SORCS3: variants seen among roughly 807,000 people sequenced by gnomAD.
The protein encoded by SORCS3 is VPS10 domain-containing receptor SorCS3.
In SORCS3, 57 loss-of-function variants were observed where a neutral mutation model predicts 146.3. That is an observed-to-expected ratio of 0.39 (90% CI 0.31 to 0.49). SORCS3 has a LOEUF of 0.49. Among genes scored for constraint, SORCS3 ranks in the 20% least tolerant of loss-of-function variants. The probability of loss-of-function intolerance (pLI) is 0.92; values close to 1 mark genes in which losing one functional copy is unlikely to be tolerated. For missense variants in SORCS3, 1,341 were observed against 1,575.5 expected, an observed-to-expected ratio of 0.85 and a Z score of 2.52; for synonymous variants, 653 against 618.5, an observed-to-expected ratio of 1.06 and a Z score of -0.83.
Position 104,780,176 on chromosome 10 carries a change from C to G in SORCS3, c.628-62616C>G, listed in dbSNP as rs150347691. ...AAGCCACAACGGAGCAATTTGATGG[C>G]AGAGTATTTTTGGCTTCAAGACACT... On this transcript the variant is annotated intron_variant, in intron 1 of 26. Coordinates refer to ENST00000369701, the MANE Select transcript of SORCS3 (RefSeq NM_014978.3). Among the ~76,000 whole-genome samples the G allele has an allele frequency of 4.9e-3, 731 of 150,554 alleles. 6 individuals are homozygous for G. The highest frequency in any genetic ancestry group is 0.017 in the African/African-American group (695 of 40,846).
rs546347300 is a variant in SORCS3, at chr10:104,743,698, T to G, written c.628-99094T>G. Among the ~76,000 whole-genome samples the G allele has an allele frequency of 2.6e-5, 4 of 152,216 alleles. No homozygotes were observed. The East Asian group carries it at 7.7e-4, about 29-fold the overall frequency. On this transcript the variant is annotated intron_variant, in intron 1 of 26. Coordinates refer to ENST00000369701, the MANE Select transcript of SORCS3 (RefSeq NM_014978.3). ...CTCTCAGGACAGCCTGTGGACTGAG[T>G]TCTTGTCTCCATATTCTCCCCTAAG...
chr10:105,104,957 C>A (rs146951687), intron 6 of SORCS3, among the ~76,000 whole-genome samples: 1 of 152,234 alleles, frequency 6.6e-6, no homozygotes, highest in African/African-American at 2.4e-5. Context: ...TTTTTTACTA[C>A]TATGAACAAT....
chr10:105,117,264 C>A (rs1403627165), intron 7 of SORCS3, among the ~76,000 whole-genome samples: 1 of 152,120 alleles, frequency 6.6e-6, no homozygotes, highest in Non-Finnish European at 1.5e-5. Flanking sequence ...CATTCCTCAA[C>A]AAACAAAAAC....
intron 13 of SORCS3, among the ~76,000 whole-genome samples, chr10:105,170,781 C>G (rs1323704945): frequency 6.6e-6 from 1 of 152,162 alleles, no homozygotes; most frequent in African/African-American, 2.4e-5. Context: ...CTTTCAAAGG[C>G]TAAGTGAGTG....
At chr10:104,717,497 G>T (rs1455022590) in intron 1 of SORCS3, among the ~76,000 whole-genome samples, 2 of 152,068 alleles carry the variant, frequency 1.3e-5, no homozygotes, top group Non-Finnish European at 2.9e-5. Flanking sequence ...CCTGCTGTCT[G>T]TGTGAGCTGG....
chr10:105,230,867 G>A (rs965689946), intron 20 of SORCS3, among the ~76,000 whole-genome samples: 2 of 152,202 alleles, frequency 1.3e-5, no homozygotes, highest in Admixed American at 6.5e-5. Flanking sequence ...GACTTGGGAT[G>A]TGTGGAACTC....
intron 13 of SORCS3, among the ~76,000 whole-genome samples, chr10:105,176,305 G>T (rs1022519124): frequency 2.0e-5 from 3 of 152,026 alleles, no homozygotes; most frequent in Non-Finnish European, 4.4e-5. Flanking sequence ...AGCACTTTGG[G>T]AGTCCGAGTG....
intron 1 of SORCS3, among the ~76,000 whole-genome samples, chr10:104,784,887 T>A (rs1275289575): frequency 6.6e-6 from 1 of 152,138 alleles, no homozygotes; most frequent in East Asian, 1.9e-4. Context: ...GATGTTGACT[T>A]GGTGAAAAAA....
At chr10:104,682,860 C>T (rs2015996145) in intron 1 of SORCS3, among the ~76,000 whole-genome samples, 1 of 152,204 alleles carries the variant, frequency 6.6e-6, no homozygotes, top group Admixed American at 6.5e-5. Flanking sequence ...AAACCATGAA[C>T]TGCTCTTGAG....
intron 3 of SORCS3, among the ~76,000 whole-genome samples, chr10:104,932,719 G>T (rs1028849550): frequency 6.6e-6 from 1 of 152,116 alleles, no homozygotes. Context: ...TAGAAATGAG[G>T]TCTGTCTTTG....
At chr10:105,035,137 T>TA (rs2055297293) in intron 4 of SORCS3, among the ~76,000 whole-genome samples, 1 of 152,132 alleles carries the variant, frequency 6.6e-6, no homozygotes, top group African/African-American at 2.4e-5. Context: ...GGGACAGTGG[T>TA]AAAAAGGGAG....
At chr10:104,846,137 G>A (rs2018201304) in intron 2 of SORCS3, among the ~76,000 whole-genome samples, 1 of 152,184 alleles carries the variant, frequency 6.6e-6, no homozygotes, top group African/African-American at 2.4e-5. Flanking sequence ...TCATGGACCT[G>A]ATAAAGCCCC....
chr10:105,134,791 G>A (rs2056047842), intron 7 of SORCS3, among the ~76,000 whole-genome samples: 1 of 152,064 alleles, frequency 6.6e-6, no homozygotes, highest in Non-Finnish European at 1.5e-5. Context: ...TGCAAAATAT[G>A]TTCGTTTCAT....
intron 2 of SORCS3, among the ~76,000 whole-genome samples, chr10:104,908,403 G>T (rs1049891711): frequency 2.8e-4 from 43 of 152,280 alleles, no homozygotes; most frequent in African/African-American, 1.0e-3. Context: ...ACAATCAGGG[G>T]TATTCATAAA....
At chr10:105,228,674 A>T (rs970379224) in intron 20 of SORCS3, among the ~76,000 whole-genome samples, 1 of 152,024 alleles carries the variant, frequency 6.6e-6, no homozygotes, top group Non-Finnish European at 1.5e-5. Flanking sequence ...ATGTCATCCT[A>T]TTCTCTCCTG....
chr10:105,025,373 C>T (rs975163922), intron 4 of SORCS3, among the ~76,000 whole-genome samples: 7 of 152,136 alleles, frequency 4.6e-5, no homozygotes, highest in African/African-American at 1.7e-4. Flanking sequence ...CAAGTCATGT[C>T]TATGGCACTA....
intron 1 of SORCS3, among the ~76,000 whole-genome samples, chr10:104,789,290 G>A (rs77602267): frequency 1.7e-3 from 257 of 152,300 alleles, no homozygotes; most frequent in African/African-American, 5.9e-3. Flanking sequence ...CATCTGATAG[G>A]TGCCTTGTGA....
chr10:104,850,507 C>T (rs2018263731), intron 2 of SORCS3, among the ~76,000 whole-genome samples: 1 of 152,212 alleles, frequency 6.6e-6, no homozygotes, highest in Non-Finnish European at 1.5e-5. Flanking sequence ...TCTCTTGAAC[C>T]TCAGGAGGTC....
rs1030100676 is a variant in SORCS3 at position 104,641,671 on chromosome 10, G to A, written c.344G>A (p.Arg115Gln). 2.0e-5 allele frequency: 30 copies of A among 1,525,116 alleles called. No individual in the cohort carries two copies. Among genetic ancestry groups the A allele is most frequent in the Non-Finnish European group, 2.2e-5 (25 of 1,140,486 alleles). The allele number at this position is 1,525,116 out of a possible 1,614,324, so 94.5% of individuals were successfully genotyped here. ...GGGACATCACCGGCAGGCGAGCGGC[G>A]GGGCCGGGGCATCCCAGCTCCTGCC... ...AGGTSPAGER[R>Q]GRGIPAPAKL... The change falls in exon 1 of 27, where the codon CGG becomes CAG. Residue 115 changes from arginine to glutamine, a missense_variant. Physicochemically the swap from Arg to Gln is conservative, Grantham distance 43 (BLOSUM62 1). Transcript: ENST00000369701. The surrounding 1 kb of genome is among the most constrained non-coding windows in gnomAD (Gnocchi z 6.4).
Sources: allele counts gnomAD v4.1 joint callset (sites outside exome capture counted in the v4.1 genomes callset), GRCh38; gene constraint gnomAD v4.1.1; non-coding constraint Gnocchi (gnomAD v3.1); transcripts MANE v1.5; gene names NCBI Gene and HGNC (gene_info 2026-07-23, HGNC 2026-07-21).